The following ARHGEF18 variants were observed in gnomAD, a reference collection of about 807,000 sequenced individuals.
ARHGEF18 encodes the protein rho guanine nucleotide exchange factor 18.
In ARHGEF18, 93 loss-of-function variants were observed where a neutral mutation model predicts 155.7. The ratio of observed to expected loss-of-function variants is 0.60; its 90% CI spans 0.50 to 0.71. ARHGEF18 has a LOEUF of 0.71. Among genes scored for constraint, ARHGEF18 ranks in the 30% least tolerant of loss-of-function variants. The probability of loss-of-function intolerance (pLI) is 0.00; values close to 1 mark genes in which losing one functional copy is unlikely to be tolerated. For missense variants in ARHGEF18, 1,593 were observed against 1,816.1 expected (o/e 0.88, Z 2.23); for synonymous variants, 742 against 753.1 (o/e 0.99, Z 0.24).
intron 1 of ARHGEF18, 59 bp from the exon 2 acceptor site, chr19:7,362,722 C>T: frequency 8.1e-7 from 1 of 1,229,926 alleles, no homozygotes; most frequent in Non-Finnish European, 1.0e-6. Flanking sequence ...GAATCCAGGT[C>T]CTGGCTTCCT....
intron 10 of ARHGEF18, among the ~76,000 whole-genome samples, chr19:7,400,233 A>G (rs530566931): frequency 7.2e-5 from 11 of 152,314 alleles, no homozygotes; most frequent in African/African-American, 2.4e-4. Context: ...ACAGCATAAA[A>G]TTCACCTTTT....
intron 18 of ARHGEF18, among the ~76,000 whole-genome samples, chr19:7,457,959 A>T (rs1388029338): frequency 1.3e-5 from 2 of 151,854 alleles, no homozygotes; most frequent in Admixed American, 6.6e-5. Context: ...CCGACTATTT[A>T]AAAAAAAATT....
rs779468540 is a variant in ARHGEF18 at position 7,468,781 on chromosome 19, C to G, written c.3481-44C>G. 6.7e-6 allele frequency: 10 copies of G among 1,486,312 alleles called. No homozygotes were observed. The South Asian group carries it at 1.3e-4, about 20-fold the overall frequency. 92.1% of individuals were successfully genotyped at this position (1,486,312 alleles called of 1,614,324 possible). Reference sequence around the variant, plus strand: ...CCTCGGGGGCTCTCCAGAGGCCGCACAGCAGGAACCTCACATTGGATGTAT... The same window carrying G: ...CCTCGGGGGCTCTCCAGAGGCCGCAGAGCAGGAACCTCACATTGGATGTAT... On this transcript the variant is annotated intron_variant, in intron 26 of 28. Transcript: ENST00000668164.
rs1600232157 is a variant in ARHGEF18 at position 7,379,117 on chromosome 19, C to G, written c.600-5C>G. Reference sequence around the variant, plus strand: ...GCTGTTCTAATCCCACCTCCACCCCCACAGGCTGATTGTCCAGCAGGTGCT... The same window carrying G: ...GCTGTTCTAATCCCACCTCCACCCCGACAGGCTGATTGTCCAGCAGGTGCT... On this transcript the variant is annotated splice_polypyrimidine_tract_variant and splice_region_variant and intron_variant, in intron 6 of 28. Coordinates refer to ENST00000668164, the MANE Select transcript of ARHGEF18 (RefSeq NM_001367823.1). The G allele has an allele frequency of 8.1e-6, 10 of 1,232,448 alleles. No individual in the cohort carries two copies. In the East Asian group the frequency reaches 1.6e-4, roughly 19 times the overall value. 76.3% of individuals were successfully genotyped at this position (1,232,448 alleles called of 1,614,324 possible).
At chr19:7,438,947 A>G (rs1379484931) in intron 10 of ARHGEF18, among the ~76,000 whole-genome samples, 2 of 151,926 alleles carry the variant, frequency 1.3e-5, no homozygotes, top group East Asian at 3.9e-4. Flanking sequence ...ATCTCCGCTC[A>G]CTGCAACCTC....
At position 7,464,637 on chromosome 19, in the gene ARHGEF18, T is replaced by G. The variant is rs777315445; in HGVS notation, c.2851T>G (p.Leu951Val). Residue 951 changes from leucine (L) to valine (V), a missense_variant, in exon 23 of 29, where the codon TTG becomes GTG. Coordinates refer to ENST00000668164, the MANE Select transcript of ARHGEF18 (RefSeq NM_001367823.1). Reference protein sequence around the residue: ...DWRGPPNSPDLKLSDSDIPGS... With the variant: ...DWRGPPNSPDVKLSDSDIPGS... ...GCGAGGCCCCCCAAACAGCCCGGAC[T>G]TGAAGCTCAGTGACAGTGACATTCC... 2.5e-6 allele frequency: 4 copies of G among 1,613,986 alleles called. No individual in the cohort carries two copies. The highest frequency in any genetic ancestry group is 3.4e-6 in the Non-Finnish European group (4 of 1,179,986).
downstream of ARHGEF18, chr19:7,473,366 AAAAAGT>A (rs1568374921): frequency 2.2e-6 from 1 of 447,300 alleles, no homozygotes; most frequent in South Asian, 1.6e-5. Context: ...AGCCATATTA[AAAAAGT>A]AAAAGGAGGG....
chr19:7,467,418 C>A lies in ARHGEF18; in HGVS notation c.3214C>A (p.Arg1072Ser). The A allele has an allele frequency of 6.5e-7, 1 of 1,531,912 alleles. No homozygotes were observed. The highest frequency in any genetic ancestry group is 2.0e-5 in the Admixed American group (1 of 50,870). 94.9% of individuals were successfully genotyped at this position (1,531,912 alleles called of 1,614,324 possible). ...QLRHEQQRWE[R>S]ERQWQHQELE... ...GCGGCACGAGCAGCAGCGCTGGGAGCGCGAGCGCCAGTGGCAGCACCAGGA... is the reference window on the plus strand; with the variant it reads ...GCGGCACGAGCAGCAGCGCTGGGAGAGCGAGCGCCAGTGGCAGCACCAGGA... Residue 1072 changes from arginine to serine, a missense_variant, in exon 26 of 29, where the codon CGC (arginine) becomes AGC (serine). By Grantham distance (110) the Arg-to-Ser change is moderately radical. Transcript: ENST00000668164.
intron 10 of ARHGEF18, among the ~76,000 whole-genome samples, chr19:7,414,344 G>A (rs1440178271): frequency 6.6e-6 from 1 of 152,130 alleles, no homozygotes; most frequent in Non-Finnish European, 1.5e-5. Flanking sequence ...AAACAACTTC[G>A]GGGTTTCAGT....
In ARHGEF18 at chr19:7,468,950, C is replaced by T. The variant is rs752032536; in HGVS notation, c.3606C>T (p.Ser1202=). The change falls in exon 27 of 29, where the codon AGC becomes AGT. Residue 1202 remains serine (S), a synonymous_variant. Transcript: ENST00000668164. ...AERPEVARRD[S]APTENRLAKS... is the part of the protein sequence containing the mutation. Reference sequence around the variant, plus strand: ...GCCCCGAGGTGGCTCGCCGGGACAGCGCCCCCACCGAGAACCGGCTGGCCA... The same window carrying T: ...GCCCCGAGGTGGCTCGCCGGGACAGTGCCCCCACCGAGAACCGGCTGGCCA... 3.8e-6 allele frequency: 6 copies of T among 1,575,334 alleles called. No individual in the cohort carries two copies. The highest frequency in any genetic ancestry group is 1.7e-4 in the Middle Eastern group (1 of 5,906).
intron 3 of ARHGEF18, 40 bp from the exon 4 acceptor site, chr19:7,375,680 A>T: frequency 8.1e-7 from 1 of 1,233,778 alleles, no homozygotes; most frequent in South Asian, 4.1e-5. Context: ...CCAGGTGGGC[A>T]AGACCTGCTG....
chr19:7,385,489 A>ATTC (rs1347779290), intron 10 of ARHGEF18, among the ~76,000 whole-genome samples: 1 of 135,800 alleles, frequency 7.4e-6, no homozygotes, highest in Non-Finnish European at 1.6e-5. Context: ...TATTATTATT[A>ATTC]TTTTGAGACG....
At chr19:7,392,538 GAAAAAAAAACA>G (rs1171343050) in intron 10 of ARHGEF18, 2 of 140,346 alleles carry the variant, frequency 1.4e-5, no homozygotes, top group Non-Finnish European at 3.1e-5. Flanking sequence ...TGACTCTACT[GAAAAAAAAACA>G]AAAAAAAAAC....
chr19:7,413,088 C>T (rs1365362452), intron 10 of ARHGEF18, among the ~76,000 whole-genome samples: 2 of 152,010 alleles, frequency 1.3e-5, no homozygotes, highest in African/African-American at 2.4e-5. Context: ...CATCTAACCA[C>T]GTCCCACACC....
intron 19 of ARHGEF18, among the ~76,000 whole-genome samples, chr19:7,459,573 C>T (rs1167075857): frequency 1.3e-5 from 2 of 152,194 alleles, no homozygotes; most frequent in Non-Finnish European, 2.9e-5. Flanking sequence ...GGTTCAGACT[C>T]CCCCATCCAC....
At chr19:7,478,586 A>G in the ARHGEF18 span, among the ~76,000 whole-genome samples, 1 of 152,226 alleles carries the variant, frequency 6.6e-6, no homozygotes, top group African/African-American at 2.4e-5. Flanking sequence ...CACCCGGGAC[A>G]TCGTCCTGCA....
intron 10 of ARHGEF18, among the ~76,000 whole-genome samples, chr19:7,434,885 A>C (rs6603060): frequency 0.4 from 60,234 of 152,054 alleles, 12,549 homozygotes; most frequent in East Asian, 0.6. Flanking sequence ...AGAGTCACCG[A>C]AATGGATCTT....
At chr19:7,378,135 G>T (rs1408944531) in intron 5 of ARHGEF18, among the ~76,000 whole-genome samples, 1 of 152,096 alleles carries the variant, frequency 6.6e-6, no homozygotes, top group Non-Finnish European at 1.5e-5. Flanking sequence ...ATCTCCTTCA[G>T]GCCACTTGGA....
Position 7,372,792 on chromosome 19 carries a change from C to T in ARHGEF18, c.16-20C>T, listed in dbSNP as rs1036838278. 3.2e-6 allele frequency: 4 copies of T among 1,234,366 alleles called. No individual in the cohort carries two copies. The highest frequency in any genetic ancestry group is 3.1e-5 in the African/African-American group (2 of 64,514). 76.5% of individuals were successfully genotyped at this position (1,234,366 alleles called of 1,614,324 possible). ...CTTGGTCAATGTCTTCTTCTCCCTC[C>T]TCACCTTCCCAACCTACAGGAGGAT... On this transcript the variant is annotated intron_variant, in intron 2 of 28. Coordinates refer to ENST00000668164, the MANE Select transcript of ARHGEF18 (RefSeq NM_001367823.1).
Sources: allele counts gnomAD v4.1 joint callset (sites outside exome capture counted in the v4.1 genomes callset), GRCh38; gene constraint gnomAD v4.1.1; transcripts MANE v1.5; gene names NCBI Gene and HGNC (gene_info 2026-07-23, HGNC 2026-07-21).